The following EDNRB variants were observed in gnomAD, a reference collection of about 807,000 sequenced individuals.
The protein encoded by EDNRB is endothelin receptor type B.
In EDNRB, 18 loss-of-function variants were observed where a neutral mutation model predicts 46.4. The ratio of observed to expected loss-of-function variants is 0.39; its 90% CI spans 0.27 to 0.57. EDNRB has a LOEUF of 0.57. Ranked by LOEUF, EDNRB falls within the 20% of genes least tolerant of loss-of-function variation. The pLI is 0.61. For synonymous variants in EDNRB, 213 were observed against 204.9 expected, an observed-to-expected ratio of 1.04 and a Z score of -0.34; for missense variants, 434 against 537.5, an observed-to-expected ratio of 0.81 and a Z score of 1.90.
intron 6 of EDNRB, 134 bp from the exon 7 acceptor site, chr13:77,898,468 C>A: frequency 2.3e-6 from 3 of 1,285,582 alleles, no homozygotes; most frequent in Middle Eastern, 1.9e-4. Flanking sequence ...CTTTTATTTT[C>A]CCTCTTAAAA....
At chr13:77,967,023 G>T (rs769586517) in intron 1 of EDNRB, among the ~76,000 whole-genome samples, 1 of 152,112 alleles carries the variant, frequency 6.6e-6, no homozygotes, top group African/African-American at 2.4e-5. Context: ...AAGAAGTACT[G>T]AAAGTTTTAA....
At chr13:77,975,136 A>C (rs1263210353) in intron 1 of EDNRB, among the ~76,000 whole-genome samples, 1 of 152,226 alleles carries the variant, frequency 6.6e-6, no homozygotes, top group African/African-American at 2.4e-5. Flanking sequence ...TCAAAAACAG[A>C]AACCAAAGTG....
chr13:77,939,335 G>T (rs535027883), intron 1 of EDNRB: 5 of 152,406 alleles, frequency 3.3e-5, no homozygotes, highest in African/African-American at 1.2e-4. Flanking sequence ...GTACGTGCAG[G>T]TCACAGGGGA....
chr13:77,941,073 G>A (rs1231294278), intron 1 of EDNRB, among the ~76,000 whole-genome samples: 1 of 152,174 alleles, frequency 6.6e-6, no homozygotes, highest in Non-Finnish European at 1.5e-5. Context: ...TTGAAACCTG[G>A]AAATGTGAGC....
In EDNRB at chr13:77,931,001, T is replaced by C. The variant is rs180715167; in HGVS notation, c.-51-12377A>G. 4.1e-4 allele frequency among the ~76,000 whole-genome samples: 62 copies of C among 152,298 alleles called. No individual in the cohort carries two copies. In the South Asian group the frequency reaches 6.0e-3, roughly 15 times the overall value. ...CCTATATTTAACAGCAAAATAATGA[T>C]TTTTGCAAGCCAAAGAGAAACAGGA... is the stretch of plus-strand genomic sequence containing the variant. On this transcript the variant is annotated intron_variant, in intron 1 of 7. Coordinates refer to the EDNRB transcript ENST00000646948.
At position 77,896,766 on chromosome 13, in the gene EDNRB, C is replaced by T. The variant is rs1878651448; in HGVS notation, c.*1434G>A. 2 of 1,336,428 alleles carry T rather than the reference C, an allele frequency of 1.5e-6. No individual in the cohort carries two copies. The highest frequency in any genetic ancestry group is 3.0e-5 in the African/African-American group (2 of 66,498). The allele number at this position is 1,336,428 out of a possible 1,614,324, so 82.8% of individuals were successfully genotyped here. ...TGTCCCCATGGGTTTCCTCCAACCC[C>T]ACCTCATTTCCTCTCTCTTCCGTTT... On this transcript the variant is annotated 3_prime_UTR_variant, in exon 7 of 7. Transcript: ENST00000646607.
intron 1 of EDNRB, among the ~76,000 whole-genome samples, chr13:77,955,189 C>A (rs540726733): frequency 6.6e-6 from 1 of 152,096 alleles, no homozygotes; most frequent in Non-Finnish European, 1.5e-5. Context: ...ATGATGATAT[C>A]TCATTGTGGT....
upstream of EDNRB, among the ~76,000 whole-genome samples, chr13:77,923,096 A>T (rs1455599199): frequency 6.6e-6 from 1 of 152,226 alleles, no homozygotes; most frequent in African/African-American, 2.4e-5. Flanking sequence ...AAAATTTGAT[A>T]GGTTTAATGT....
chr13:77,955,679 C>A (rs1349764421), intron 1 of EDNRB, among the ~76,000 whole-genome samples: 13 of 152,150 alleles, frequency 8.5e-5, no homozygotes, highest in African/African-American at 2.9e-4. Context: ...CAATTTCATT[C>A]TTTTGCTTGT....
chr13:77,904,740 T>C (rs552852367), intron 1 of EDNRB, among the ~76,000 whole-genome samples: 4 of 152,094 alleles, frequency 2.6e-5, no homozygotes, highest in South Asian at 2.1e-4. Flanking sequence ...CACTGGTAAA[T>C]GAATCATTTT....
At position 77,897,308 on chromosome 13, in the gene EDNRB, G is replaced by T. The variant is rs1050953; in HGVS notation, c.*892C>A. 4 of 985,072 alleles carry T rather than the reference G, an allele frequency of 4.1e-6. No homozygotes were observed. The African/African-American group carries it at 7.0e-5, about 17-fold the overall frequency. The allele number at this position is 985,072 out of a possible 1,614,324, so 61.0% of individuals were successfully genotyped here. On this transcript the variant is annotated 3_prime_UTR_variant, in exon 7 of 7. Coordinates refer to ENST00000646607, the MANE Select transcript of EDNRB (RefSeq NM_001122659.3). ...CAGAGTTTAAGCTACGATAGTGAAA[G>T]AAGAAGATTTTAATAATCCTGAAAA...
intron 1 of EDNRB, among the ~76,000 whole-genome samples, chr13:77,909,826 A>G (rs1294556226): frequency 1.3e-5 from 2 of 152,010 alleles, no homozygotes; most frequent in East Asian, 3.9e-4. Context: ...TATATTCTTT[A>G]GATAATTGAC....
chr13:77,945,543 A>G (rs1386211964), intron 1 of EDNRB, among the ~76,000 whole-genome samples: 1 of 152,226 alleles, frequency 6.6e-6, no homozygotes, highest in East Asian at 1.9e-4. Flanking sequence ...AGGCAAATCC[A>G]GGGTCCTGGC....
At chr13:77,907,725 G>A (rs1195493222) in intron 1 of EDNRB, among the ~76,000 whole-genome samples, 5 of 151,812 alleles carry the variant, frequency 3.3e-5, no homozygotes, top group East Asian at 1.9e-4. Context: ...ATGAATGAGC[G>A]TCCAGACCAT....
chr13:77,962,885 C>T (rs1169668096), intron 1 of EDNRB, among the ~76,000 whole-genome samples: 1 of 152,174 alleles, frequency 6.6e-6, no homozygotes, highest in Non-Finnish European at 1.5e-5. Context: ...ATTGTCTCAA[C>T]CCAAAATCTC....
chr13:77,966,291 G>T (rs1460144129), intron 1 of EDNRB, among the ~76,000 whole-genome samples: 1 of 152,088 alleles, frequency 6.6e-6, no homozygotes, highest in Non-Finnish European at 1.5e-5. Context: ...CATTTGGGTG[G>T]TGTTGAAGTG....
intron 1 of EDNRB, among the ~76,000 whole-genome samples, chr13:77,933,782 G>A (rs1218067416): frequency 6.6e-6 from 1 of 152,218 alleles, no homozygotes; most frequent in African/African-American, 2.4e-5. Context: ...TGGGAACCTA[G>A]AGTGGGAGAG....
chr13:77,956,040 A>G (rs1184211458), intron 1 of EDNRB, among the ~76,000 whole-genome samples: 2 of 151,966 alleles, frequency 1.3e-5, no homozygotes, highest in Non-Finnish European at 2.9e-5. Context: ...GAATTTCAAG[A>G]TTTTTTCTAT....
At chr13:77,923,355 A>G (rs1266186193), upstream of EDNRB, among the ~76,000 whole-genome samples, 3 of 152,156 alleles carry the variant, frequency 2.0e-5, no homozygotes, top group Non-Finnish European at 4.4e-5. Context: ...TGGTCTACAA[A>G]CTTCTTAAAA....
Sources: allele counts gnomAD v4.1 joint callset (sites outside exome capture counted in the v4.1 genomes callset), GRCh38; gene constraint gnomAD v4.1.1; transcripts MANE v1.5; gene names NCBI Gene and HGNC (gene_info 2026-07-23, HGNC 2026-07-21).